The following COL15A1 variants were observed in gnomAD, a reference collection of about 807,000 sequenced individuals.
COL15A1 encodes the protein collagen type XV alpha 1 chain.
Under a neutral mutation model 165.9 loss-of-function variants are expected in COL15A1, and 111 were observed. The ratio of observed to expected loss-of-function variants is 0.67; its 90% CI spans 0.57 to 0.78. COL15A1 has a LOEUF of 0.78. Ranked by LOEUF, COL15A1 falls within the 30% of genes least tolerant of loss-of-function variation. The pLI is 0.00. For synonymous variants in COL15A1, 659 were observed against 674.8 expected (o/e 0.98, Z 0.36); for missense variants, 1,745 against 1,789.7 (o/e 0.98, Z 0.45).
chr9:99,007,692 G>T (rs1408122280), intron 9 of COL15A1, among the ~76,000 whole-genome samples: 1 of 152,240 alleles, frequency 6.6e-6, no homozygotes, highest in Non-Finnish European at 1.5e-5. Flanking sequence ...AGGTATGAAA[G>T]TGGCTTATTA....
chr9:99,027,185 T>G (rs1239369233), intron 16 of COL15A1, among the ~76,000 whole-genome samples: 1 of 152,170 alleles, frequency 6.6e-6, no homozygotes, highest in African/African-American at 2.4e-5. Flanking sequence ...GTGAGCCCTG[T>G]GCTAGGGATG....
Position 99,044,615 on chromosome 9 carries a change from GGAA to G in COL15A1, c.2623_2625del (p.Glu875del). 1 of 1,614,106 alleles carries G rather than the reference GGAA, an allele frequency of 6.2e-7. No homozygotes were observed. Among genetic ancestry groups the G allele is most frequent in the South Asian group, 1.1e-5 (1 of 91,082 alleles). ...CCATCCTGACAGAGGACATTCCTCT[GGAA>G]AGGCTGATGGGGAAAAAGGTAATTA... On this transcript the variant is annotated inframe_deletion, in exon 25 of 42. Transcript: ENST00000375001.
At chr9:98,955,914 C>T (rs1837768564) in intron 2 of COL15A1, among the ~76,000 whole-genome samples, 1 of 152,236 alleles carries the variant, frequency 6.6e-6, no homozygotes, top group South Asian at 2.1e-4. Context: ...GTGACTAGCT[C>T]ATGGTCACAG....
intron 5 of COL15A1, among the ~76,000 whole-genome samples, chr9:98,989,495 G>A (rs1283843340): frequency 2.6e-5 from 4 of 152,254 alleles, no homozygotes; most frequent in African/African-American, 7.2e-5. Flanking sequence ...TCAGAGGGCT[G>A]TCAAGGGCAA....
chr9:98,989,036 A>C (rs1838369775), intron 4 of COL15A1, 142 bp from the exon 5 acceptor site: 1 of 668,222 alleles, frequency 1.5e-6, no homozygotes. Context: ...ACACACACAC[A>C]CACACACACA....
rs1026259227 is a variant in COL15A1, at chr9:99,024,272, TTTTTGTTTTTTTG to T, written c.1855-597_1855-585del. ...AACAAGGCTACACCACAAGCAGTTT[TTTTTGTTTTTTTG>T]TTTTTTTTTTTTTGAGATGGAGTCT... On this transcript the variant is annotated intron_variant, in intron 14 of 41. Transcript: ENST00000375001. 1.5e-4 allele frequency among the ~76,000 whole-genome samples: 21 copies of T among 138,886 alleles called. 2 individuals are homozygous for T. The South Asian group carries it at 1.6e-3, about 11-fold the overall frequency. The allele number at this position is 138,886 out of a possible 152,430, so 91.1% of individuals were successfully genotyped here. A position where few individuals can be genotyped will look rare whatever the true frequency, so the allele number is the denominator to read the frequency against.
intron 16 of COL15A1, among the ~76,000 whole-genome samples, chr9:99,026,575 C>G (rs1179798719): frequency 6.6e-6 from 1 of 152,208 alleles, no homozygotes; most frequent in Non-Finnish European, 1.5e-5. Flanking sequence ...CATCCCCCAA[C>G]TCCTCACACG....
intron 2 of COL15A1, among the ~76,000 whole-genome samples, chr9:98,983,167 C>G (rs780694935): frequency 2.6e-5 from 4 of 152,094 alleles, no homozygotes; most frequent in South Asian, 2.1e-4. Flanking sequence ...GAGGTTAGTA[C>G]TGGCGGTGAG....
In COL15A1 at chr9:99,055,261, G is replaced by A. The variant is rs765652990; in HGVS notation, c.3082-1G>A. Reference sequence around the variant, plus strand: ...AATATTCCTGTGTTCTCTGCTTCCAGGGGGAGAATGGAGACAAGGGGTTCA... The same window carrying A: ...AATATTCCTGTGTTCTCTGCTTCCAAGGGGAGAATGGAGACAAGGGGTTCA... On this transcript the variant is annotated splice_acceptor_variant, in intron 33 of 41. Transcript: ENST00000375001. LOFTEE classifies it high-confidence loss of function. 1.2e-5 allele frequency: 19 copies of A among 1,606,890 alleles called. No individual in the cohort carries two copies. Among genetic ancestry groups the A allele is most frequent in the Non-Finnish European group, 1.6e-5 (19 of 1,173,494 alleles).
In COL15A1 at chr9:99,035,138, T is replaced by A; in HGVS notation, c.2204T>A (p.Met735Lys). The A allele has an allele frequency of 6.3e-7, 1 of 1,598,414 alleles. No homozygotes were observed. The change falls in exon 18 of 42, where the codon ATG (methionine) becomes AAG (lysine). Residue 735 changes from methionine to lysine, a missense_variant. By Grantham distance (95) the Met-to-Lys change is moderately conservative. Transcript: ENST00000375001. Reference protein sequence around the residue: ...PPGPPGPGCTMGLGFEDTEGS... With the variant: ...PPGPPGPGCTKGLGFEDTEGS... ...GGGCCCCCAGGCCCTGGATGCACAA[T>A]GGGACTTGGATTCGAGGTACTTTTC...
At chr9:99,040,437 G>C in intron 22 of COL15A1, 84 bp from the exon 23 acceptor site, 1 of 1,609,148 alleles carries the variant, frequency 6.2e-7, no homozygotes. Context: ...TGAGGCCTTT[G>C]GAAGGGGCTG....
chr9:99,059,471 T>G (rs567806566), intron 35 of COL15A1, among the ~76,000 whole-genome samples: 1 of 152,332 alleles, frequency 6.6e-6, no homozygotes, highest in South Asian at 2.1e-4. Flanking sequence ...TCCCACTCCC[T>G]AGAGCCTTCT....
intron 2 of COL15A1, among the ~76,000 whole-genome samples, chr9:98,948,774 T>C (rs898152708): frequency 6.6e-6 from 1 of 152,176 alleles, no homozygotes; most frequent in African/African-American, 2.4e-5. Context: ...ATTGTCCAGG[T>C]AGGGATGGTG....
chr9:99,054,717 C>G, intron 32 of COL15A1, 61 bp downstream of exon 32: 1 of 1,540,948 alleles, frequency 6.5e-7, no homozygotes, highest in Non-Finnish European at 8.8e-7. Context: ...ACAAATGCGA[C>G]TGAGAAATGT....
chr9:99,047,865 G>C (rs1303749541), intron 27 of COL15A1, 26 bp downstream of exon 27: 1 of 1,613,536 alleles, frequency 6.2e-7, no homozygotes, highest in Non-Finnish European at 8.5e-7. Flanking sequence ...CATTGGACAG[G>C]CTGGAGGGGG....
chr9:99,019,903 G>A (rs898752490), intron 11 of COL15A1, among the ~76,000 whole-genome samples: 1 of 152,132 alleles, frequency 6.6e-6, no homozygotes, highest in Non-Finnish European at 1.5e-5. Flanking sequence ...CTTTGTCTCT[G>A]GATTTTTTAG....
rs142567856 is a variant in COL15A1, at chr9:99,070,119, C to A, written c.*233C>A. The A allele has an allele frequency of 3.1e-3, 1,418 of 464,482 alleles. 13 individuals are homozygous for A. Among genetic ancestry groups the A allele is most frequent in the African/African-American group, 0.026 (1,308 of 49,886 alleles). The allele number at this position is 464,482 out of a possible 1,614,324, so 28.8% of individuals were successfully genotyped here. On this transcript the variant is annotated 3_prime_UTR_variant, in exon 42 of 42. Transcript: ENST00000375001. ...TATTGGTGCTAGATTCTGCAGGAAA[C>A]CCCAGCAGTGTGAACGCATCCCAAC...
intron 35 of COL15A1, 46 bp downstream of exon 35, chr9:99,056,450 G>A: frequency 6.5e-7 from 1 of 1,540,972 alleles, no homozygotes; most frequent in South Asian, 1.2e-5. Context: ...CCCTACCATT[G>A]TGTTCAAGGT....
chr9:98,954,793 C>T (rs1315376750), intron 2 of COL15A1, among the ~76,000 whole-genome samples: 95 of 152,318 alleles, frequency 6.2e-4, no homozygotes, highest in Non-Finnish European at 1.8e-4. Flanking sequence ...GCCCACCCTG[C>T]CTTGTCTATT....
Sources: allele counts gnomAD v4.1 joint callset (sites outside exome capture counted in the v4.1 genomes callset), GRCh38; gene constraint gnomAD v4.1.1; transcripts MANE v1.5; gene names NCBI Gene and HGNC (gene_info 2026-07-23, HGNC 2026-07-21).